INSL6: variants seen among roughly 807,000 people sequenced by gnomAD.
INSL6 encodes the protein insulin like 6.
In INSL6, 16 loss-of-function variants were observed where a neutral mutation model predicts 9.4. The ratio of observed to expected loss-of-function variants is 1.70; its 90% CI spans 1.15 to 2.59. The LOEUF is 2.59. Among genes scored for constraint, INSL6 ranks in the 30% most tolerant of loss-of-function variants. The pLI is 0.00. For missense variants in INSL6, 391 were observed against 257.3 expected (o/e 1.52, Z -3.56); for synonymous variants, 154 against 96.9 (o/e 1.59, Z -3.46).
the INSL6 span, among the ~76,000 whole-genome samples, chr9:5,005,615 G>T: frequency 2.0e-4 from 31 of 152,250 alleles, no homozygotes; most frequent in Non-Finnish European, 3.1e-4. Context: ...AGATTCCAGT[G>T]TAATTTTTTT....
the INSL6 span, among the ~76,000 whole-genome samples, chr9:5,033,918 A>G: frequency 6.6e-6 from 1 of 152,316 alleles, no homozygotes; most frequent in Non-Finnish European, 1.5e-5. Flanking sequence ...AATGGGCTAA[A>G]TGCTCCAATT....
In INSL6 at chr9:5,128,078, TTTTGTG is replaced by T. The variant is rs1231258006; in HGVS notation, c.*11-3573_*11-3568del. ...CATAGCTAAAATAAAATATGGTGGG[TTTTGTG>T]TGTGTGTGTGTGTGTGTGTGTGTGT... On this transcript the variant is annotated intron_variant, in intron 3 of 3. Transcript: ENST00000649639. 14 of 172,084 alleles carry T rather than the reference TTTTGTG, an allele frequency of 8.1e-5. No individual in the cohort carries two copies. The East Asian group carries it at 8.4e-4, about 10-fold the overall frequency. The allele number at this position is 172,084 out of a possible 1,614,324, so 10.7% of individuals were successfully genotyped here.
the INSL6 span, among the ~76,000 whole-genome samples, chr9:5,089,392 G>C: frequency 6.6e-6 from 1 of 152,072 alleles, no homozygotes; most frequent in African/African-American, 2.4e-5. Flanking sequence ...CAAAAAATTA[G>C]CTGGGCGTAT....
chr9:5,124,356 A>C (rs1823839002), exon 4 of INSL6, among the ~76,000 whole-genome samples: 1 of 151,442 alleles, frequency 6.6e-6, no homozygotes, highest in Non-Finnish European at 1.5e-5. Context: ...CTTACATTTA[A>C]GTCTGTAATC....
the INSL6 span, among the ~76,000 whole-genome samples, chr9:5,013,788 T>C: frequency 1.3e-5 from 2 of 152,314 alleles, no homozygotes; most frequent in East Asian, 1.9e-4. Context: ...TTAAAATTTA[T>C]TTTGTACTTA....
intron 2 of INSL6, among the ~76,000 whole-genome samples, chr9:5,134,712 G>A (rs557816403): frequency 1.6e-4 from 25 of 152,200 alleles, no homozygotes; most frequent in Non-Finnish European, 1.0e-4. Context: ...AGGAACAACC[G>A]GTACCAGCCA....
chr9:5,143,894 A>G (rs1824551053), intron 2 of INSL6, among the ~76,000 whole-genome samples: 1 of 151,322 alleles, frequency 6.6e-6, no homozygotes, highest in African/African-American at 2.4e-5. Flanking sequence ...TCCTGACCTC[A>G]GGTAATACAC....
At chr9:5,124,793 G>C (rs1823868873) in intron 3 of INSL6, among the ~76,000 whole-genome samples, 2 of 151,314 alleles carry the variant, frequency 1.3e-5, no homozygotes. Context: ...AAATCAACAA[G>C]AACATACATT....
chr9:5,105,208 A>G, the INSL6 span, among the ~76,000 whole-genome samples: 1 of 152,250 alleles, frequency 6.6e-6, no homozygotes, highest in African/African-American at 2.4e-5. Context: ...AACTTCAGCA[A>G]AGTCTCAGGA....
the INSL6 span, among the ~76,000 whole-genome samples, chr9:5,092,525 T>C: frequency 6.6e-6 from 1 of 152,028 alleles, no homozygotes; most frequent in East Asian, 1.9e-4. Context: ...ACCATCGTAA[T>C]CAAACCATTT....
At chr9:5,140,651 G>C (rs1284118010) in intron 2 of INSL6, among the ~76,000 whole-genome samples, 2 of 152,086 alleles carry the variant, frequency 1.3e-5, no homozygotes, top group Non-Finnish European at 2.9e-5. Context: ...CAACATCCCA[G>C]ACTGTCACCA....
the INSL6 span, chr9:5,111,205 G>T: frequency 1.6e-6 from 1 of 626,348 alleles, no homozygotes. Context: ...ACCGGGACTC[G>T]GAGGCAAGAG....
At chr9:5,075,010 T>A in the INSL6 span, among the ~76,000 whole-genome samples, 1 of 152,178 alleles carries the variant, frequency 6.6e-6, no homozygotes, top group East Asian at 1.9e-4. Flanking sequence ...ACAGAGAAAG[T>A]TCTAGATAGA....
chr9:5,017,579 G>A, the INSL6 span, among the ~76,000 whole-genome samples: 1 of 151,904 alleles, frequency 6.6e-6, no homozygotes, highest in Admixed American at 6.6e-5. Flanking sequence ...ATGTAATGTT[G>A]TTTGACATCT....
chr9:5,151,510 G>T (rs1202820890), intron 2 of INSL6, among the ~76,000 whole-genome samples: 2 of 152,058 alleles, frequency 1.3e-5, no homozygotes, highest in African/African-American at 2.4e-5. Flanking sequence ...ATGGACGGGG[G>T]GTGGGGATGG....
At chr9:5,095,475 A>G in the INSL6 span, among the ~76,000 whole-genome samples, 1 of 152,184 alleles carries the variant, frequency 6.6e-6, no homozygotes, top group Non-Finnish European at 1.5e-5. Flanking sequence ...CCTCCGGGCA[A>G]TGGACAATAA....
the INSL6 span, chr9:5,097,249 C>G: frequency 1.6e-4 from 24 of 152,210 alleles, no homozygotes; most frequent in African/African-American, 5.1e-4. Flanking sequence ...CTACTCCTTT[C>G]TCTCTCAGTC....
the INSL6 span, among the ~76,000 whole-genome samples, chr9:5,038,121 A>G: frequency 6.6e-6 from 1 of 152,176 alleles, no homozygotes; most frequent in Non-Finnish European, 1.5e-5. Context: ...TTCTTTTGTT[A>G]AATATTTCTT....
At chr9:4,993,103 C>G in the INSL6 span, among the ~76,000 whole-genome samples, 9,317 of 152,238 alleles carry the variant, frequency 0.061, 765 homozygotes, top group African/African-American at 0.19. Context: ...AATACAACTC[C>G]TTTAAAAACT....
Sources: allele counts gnomAD v4.1 joint callset (sites outside exome capture counted in the v4.1 genomes callset), GRCh38; gene constraint gnomAD v4.1.1; transcripts MANE v1.5; gene names NCBI Gene and HGNC (gene_info 2026-07-23, HGNC 2026-07-21).